Variants in FARSB observed in about 807,000 individuals in gnomAD.
FARSB encodes phenylalanine--tRNA ligase beta subunit.
Under a neutral mutation model 69.6 loss-of-function variants are expected in FARSB, and 40 were observed. The ratio of observed to expected loss-of-function variants is 0.57; its 90% CI spans 0.45 to 0.75. The LOEUF (loss-of-function observed/expected upper bound fraction) is 0.75. Ranked by LOEUF, FARSB falls within the 30% of genes least tolerant of loss-of-function variation. FARSB has a pLI of 0.00. For synonymous variants in FARSB, 235 were observed against 247.2 expected (o/e 0.95, Z 0.46); for missense variants, 632 against 722.9 (o/e 0.87, Z 1.44).
At chr2:222,614,502 A>G (rs1342674312) in intron 14 of FARSB, among the ~76,000 whole-genome samples, 1 of 152,252 alleles carries the variant, frequency 6.6e-6, no homozygotes, top group Admixed American at 6.5e-5. Flanking sequence ...ATCCTGCCTC[A>G]TTTCACAAAG....
intron 5 of FARSB, among the ~76,000 whole-genome samples, chr2:222,638,431 T>C (rs1425171166): frequency 6.6e-6 from 1 of 152,262 alleles, no homozygotes; most frequent in Non-Finnish European, 1.5e-5. Context: ...GCTCAACCAC[T>C]TAAGTTATAC....
intron 15 of FARSB, among the ~76,000 whole-genome samples, chr2:222,604,670 C>A (rs1690653666): frequency 6.6e-6 from 1 of 151,760 alleles, no homozygotes; most frequent in Admixed American, 6.6e-5. Context: ...ATCCTCCCAA[C>A]TCAGCCTCCT....
At chr2:222,630,429 G>T (rs527560180) in intron 8 of FARSB, among the ~76,000 whole-genome samples, 8 of 152,212 alleles carry the variant, frequency 5.3e-5, no homozygotes, top group African/African-American at 1.9e-4. Context: ...CCAACCTCAG[G>T]TTCACTGGGC....
intron 15 of FARSB, among the ~76,000 whole-genome samples, chr2:222,613,397 T>A (rs994865260): frequency 1.3e-5 from 2 of 152,078 alleles, no homozygotes; most frequent in Admixed American, 6.6e-5. Context: ...ACACAAAAAT[T>A]AGCCGGGTGT....
intron 10 of FARSB, among the ~76,000 whole-genome samples, chr2:222,626,243 C>CAAAA (rs36117232): frequency 0.01 from 575 of 55,426 alleles, 6 homozygotes; most frequent in African/African-American, 0.027. Context: ...GACTCCATCT[C>CAAAA]AAAAAAAAAA....
intron 7 of FARSB, among the ~76,000 whole-genome samples, chr2:222,632,858 GA>G (rs1485156113): frequency 6.7e-6 from 1 of 148,724 alleles, no homozygotes; most frequent in Non-Finnish European, 1.5e-5. Flanking sequence ...AAAAACAAAA[GA>G]AAAAAAACTA....
intron 15 of FARSB, among the ~76,000 whole-genome samples, chr2:222,607,643 G>T (rs1468256722): frequency 6.7e-6 from 1 of 149,830 alleles, no homozygotes; most frequent in Non-Finnish European, 1.5e-5. Context: ...GGAGAAGTTG[G>T]ATATTAAAAA....
rs946495602 is a variant in FARSB, at chr2:222,642,870, G to A, written c.250C>T (p.Leu84Phe). 1.4e-5 allele frequency: 22 copies of A among 1,608,122 alleles called. No homozygotes were observed. The highest frequency in any genetic ancestry group is 1.9e-5 in the Non-Finnish European group (22 of 1,177,374). Reference sequence around the variant, plus strand: ...CCTTACCTTTCTTTGAAGACCTGAAGTCCTCGAACCAATCCTTCCAGACAC... The same window carrying A: ...CCTTACCTTTCTTTGAAGACCTGAAATCCTCGAACCAATCCTTCCAGACAC... ...LLCLEGLVRG[L>F]QVFKERIKAP... Residue 84 changes from leucine to phenylalanine, a missense_variant, in exon 3 of 17, where the codon CTT becomes TTT. Transcript: ENST00000281828.
chr2:222,648,641 A>T, intron 2 of FARSB, 99 bp downstream of exon 2: 1 of 807,394 alleles, frequency 1.2e-6, no homozygotes, highest in African/African-American at 1.7e-5. Context: ...TTATCACCTT[A>T]GTCTAACTAT....
At position 222,569,631 on chromosome 2, in the gene FARSB, CT is replaced by C. The variant is rs1689681070; in HGVS notation, c.*2239del. The C allele has an allele frequency of 6.6e-6, 1 of 152,180 alleles. No homozygotes were observed. The allele number at this position is 152,180 out of a possible 1,614,324, so 9.4% of individuals were successfully genotyped here. A position where few individuals can be genotyped will look rare whatever the true frequency, so the allele number is the denominator to read the frequency against. ...TTTCCATCACCCCAAAAAGTTTTCT[CT>C]TAACCCACTGCAGTCAGTTCTCTTT... On this transcript the variant is annotated 3_prime_UTR_variant, in exon 17 of 17. Coordinates refer to ENST00000281828, the MANE Select transcript of FARSB (RefSeq NM_005687.5).
At chr2:222,582,962 A>T (rs1202036471) in intron 16 of FARSB, among the ~76,000 whole-genome samples, 1 of 152,046 alleles carries the variant, frequency 6.6e-6, no homozygotes, top group African/African-American at 2.4e-5. Flanking sequence ...ATGTAAATTC[A>T]CTAGGAACCA....
chr2:222,629,986 C>A, intron 9 of FARSB, 127 bp downstream of exon 9: 1 of 624,418 alleles, frequency 1.6e-6, no homozygotes, highest in East Asian at 3.3e-5. Context: ...AGCAATCCTC[C>A]CGCCTCAGCC....
rs144706202 is a variant in FARSB at position 222,597,422 on chromosome 2, T to C, written c.1618+2506A>G. 6.2e-4 allele frequency among the ~76,000 whole-genome samples: 95 copies of C among 152,184 alleles called. No individual in the cohort carries two copies. The Middle Eastern group carries it at 0.02, about 33-fold the overall frequency. ...AACCACATCAGAAGTAGTGACAGTT[T>C]AGGAATGTGTATTTCCTAATTAAAA... On this transcript the variant is annotated intron_variant, in intron 16 of 16. Coordinates refer to ENST00000281828, the MANE Select transcript of FARSB (RefSeq NM_005687.5).
At chr2:222,581,968 C>T (rs974082454) in intron 16 of FARSB, among the ~76,000 whole-genome samples, 2 of 152,138 alleles carry the variant, frequency 1.3e-5, no homozygotes, top group African/African-American at 2.4e-5. Context: ...GTTGCTGCAG[C>T]GTTTGTACAA....
chr2:222,634,315 C>A, intron 6 of FARSB, 76 bp downstream of exon 6: 1 of 1,008,160 alleles, frequency 9.9e-7, no homozygotes, highest in Non-Finnish European at 1.4e-6. Context: ...ATTACATTTC[C>A]CTAGTTGCAA....
intron 16 of FARSB, among the ~76,000 whole-genome samples, chr2:222,581,694 A>G (rs1056510150): frequency 2.6e-5 from 4 of 152,238 alleles, no homozygotes; most frequent in Non-Finnish European, 5.9e-5. Context: ...CAGCATATGT[A>G]TATCACGAAG....
chr2:222,580,843 C>CA (rs1395255876), intron 16 of FARSB, among the ~76,000 whole-genome samples: 1 of 151,942 alleles, frequency 6.6e-6, no homozygotes, highest in East Asian at 1.9e-4. Context: ...AGGTGAGCGA[C>CA]AAAATATAGT....
At chr2:222,621,803 T>C (rs924581783) in intron 13 of FARSB, among the ~76,000 whole-genome samples, 1 of 152,240 alleles carries the variant, frequency 6.6e-6, no homozygotes, top group Non-Finnish European at 1.5e-5. Context: ...TTTAACAACA[T>C]AGACCATCTT....
rs1691342231 is a variant in FARSB, at chr2:222,628,858, A to G, written c.879T>C (p.Asn293=). 3.1e-6 allele frequency: 5 copies of G among 1,609,192 alleles called. No individual in the cohort carries two copies. The highest frequency in any genetic ancestry group is 4.2e-6 in the Non-Finnish European group (5 of 1,176,750). Residue 293 remains asparagine, a synonymous_variant, in exon 10 of 17, where the codon AAT becomes AAC. Transcript: ENST00000281828. ...TTACTGGAAAGGTATGTGATTTTCC[A>G]TTAGGAAAAACCACTTCAGCAGCTT... The part of the protein sequence containing the change: ...TVEAAEVVFP[N]GKSHTFPELA...
Sources: gnomAD v4.1 joint callset for allele counts (sites outside exome capture counted in the v4.1 genomes callset) on GRCh38, gnomAD v4.1.1 for gene constraint, MANE v1.5 for transcripts, NCBI Gene and HGNC (gene_info 2026-07-23, HGNC 2026-07-21) for gene names.